The following LY75 variants were observed in gnomAD, a reference collection of about 807,000 sequenced individuals.
The protein encoded by LY75 is C-type lectin domain family 13 member B.
LY75 carries 185 observed loss-of-function variants against 231.7 expected under a neutral mutation model. The ratio of observed to expected loss-of-function variants is 0.80; its 90% CI spans 0.71 to 0.90. LY75 has a LOEUF of 0.90. LY75 is among the 40% of genes least tolerant of loss of function. The pLI is 0.00. For synonymous variants in LY75, 668 were observed against 689.0 expected (o/e 0.97, Z 0.48); for missense variants, 1,947 against 2,050.2 (o/e 0.95, Z 0.97).
At chr2:159,898,639 T>C (rs769924072) in intron 2 of LY75, 49 bp downstream of exon 2, 13 of 1,568,590 alleles carry the variant, frequency 8.3e-6, no homozygotes, top group Middle Eastern at 1.7e-4. Context: ...TAATGCCACA[T>C]GTGACAAGCA....
At chr2:159,827,678 A>T (rs919646227) in intron 28 of LY75, among the ~76,000 whole-genome samples, 1 of 152,246 alleles carries the variant, frequency 6.6e-6, no homozygotes, top group African/African-American at 2.4e-5. Context: ...TTGTGGCACT[A>T]TTCCAATAGC....
intron 31 of LY75, among the ~76,000 whole-genome samples, chr2:159,811,685 G>A (rs577746962): frequency 2.6e-5 from 4 of 152,228 alleles, no homozygotes; most frequent in Non-Finnish European, 5.9e-5. Context: ...GAGGAATGGC[G>A]GCTACTGTGA....
Position 159,803,481 on chromosome 2 carries a change from CACAGG to C in LY75, c.*1558_*1562del, listed in dbSNP as rs1417060012. ...TTAGTGACTAAAATTGTACACAGAT[CACAGG>C]ACAAGAGAACTAGTCTAACAAATTC... On this transcript the variant is annotated 3_prime_UTR_variant, in exon 35 of 35. Transcript: ENST00000263636. The C allele has an allele frequency of 6.6e-6, 1 of 152,136 alleles. No individual in the cohort carries two copies. The highest frequency in any genetic ancestry group is 1.5e-5 in the Non-Finnish European group (1 of 68,026). The allele number at this position is 152,136 out of a possible 1,614,324, so 9.4% of individuals were successfully genotyped here.
At chr2:159,819,976 A>G (rs1437130859) in intron 28 of LY75, 56 bp from the exon 29 acceptor site, 4 of 1,468,962 alleles carry the variant, frequency 2.7e-6, no homozygotes, top group Admixed American at 2.4e-5. Flanking sequence ...CTTGAATTAC[A>G]CTTATACAGT....
In LY75 at chr2:159,807,124, C is replaced by T; in HGVS notation, c.4839G>A (p.Trp1613Ter). 1 of 1,613,014 alleles carries T rather than the reference C, an allele frequency of 6.2e-7. No homozygotes were observed. The highest frequency in any genetic ancestry group is 8.5e-7 in the Non-Finnish European group (1 of 1,179,472). The change falls in exon 34 of 35, where the codon TGG becomes TGA. Residue 1613 changes from tryptophan to a stop codon, truncating the protein, a stop_gained. Coordinates refer to ENST00000263636, the MANE Select transcript of LY75 (RefSeq NM_002349.4). LOFTEE classifies it high-confidence loss of function. The stretch of plus-strand genomic sequence containing the variant: ...CAAATGTCACTTCTGATCCATCTAA[C>T]CAACTCCAAGACTGGTCTGAAGAAA... ...SQHSVDQSWS[W>*]LDGSEVTFVK...
chr2:159,883,130 T>TG (rs1346144600), intron 6 of LY75, among the ~76,000 whole-genome samples: 1 of 39,216 alleles, frequency 2.5e-5, no homozygotes, highest in Non-Finnish European at 4.7e-5. Context: ...TGTTGTGGGG[T>TG]GGGGGGAGGG....
chr2:159,858,009 ATTATCT>A (rs1684595838), intron 16 of LY75, among the ~76,000 whole-genome samples: 1 of 152,166 alleles, frequency 6.6e-6, no homozygotes, highest in South Asian at 2.1e-4. Flanking sequence ...TCTTCCCAAG[ATTATCT>A]TTATTTTTTC....
At chr2:159,867,561 AG>A (rs1307189757) in intron 13 of LY75, among the ~76,000 whole-genome samples, 1 of 152,198 alleles carries the variant, frequency 6.6e-6, no homozygotes, top group East Asian at 1.9e-4. Context: ...ATAGCGTAAA[AG>A]GTTAATATGT....
chr2:159,890,499 C>A, intron 3 of LY75, 122 bp from the exon 4 acceptor site: 2 of 1,334,528 alleles, frequency 1.5e-6, no homozygotes, highest in Non-Finnish European at 1.0e-6. Context: ...AGGGAGACTG[C>A]CATCACTCAT....
At chr2:159,844,340 A>C (rs972743721) in intron 23 of LY75, among the ~76,000 whole-genome samples, 7 of 151,464 alleles carry the variant, frequency 4.6e-5, no homozygotes, top group Non-Finnish European at 1.0e-4. Flanking sequence ...AAAAAAAAAA[A>C]AAACTATATG....
rs191590222 is a variant in LY75, at chr2:159,836,612, T to C, written c.3508-967A>G. Among the ~76,000 whole-genome samples the C allele has an allele frequency of 2.0e-4, 30 of 152,310 alleles. 1 individual carries two copies. The East Asian group carries it at 5.6e-3, about 28-fold the overall frequency. On this transcript the variant is annotated intron_variant, in intron 25 of 34. Coordinates refer to ENST00000263636, the MANE Select transcript of LY75 (RefSeq NM_002349.4). ...CAAGACAATCTGCATCACTAGTTTA[T>C]TTGAAATATGGAACGAAGCGACACA...
rs758257235 is a variant in LY75, at chr2:159,810,660, C to T, written c.4565G>A (p.Arg1522His). The change falls in exon 32 of 35, where the codon CGT becomes CAT. Residue 1522 changes from arginine (R) to histidine (H), a missense_variant. Arg to His is a conservative substitution (Grantham distance 29). Coordinates refer to ENST00000263636, the MANE Select transcript of LY75 (RefSeq NM_002349.4). ...YKPTKSKKLS[R>H]LTYSSRCPAA... ...TGGACATCTTGATGAATATGTAAGA[C>T]GGGACAGCTTTTTAGCTATAAAAAT... is the stretch of plus-strand genomic sequence containing the variant. 15 of 1,611,010 alleles carry T rather than the reference C, an allele frequency of 9.3e-6. No individual in the cohort carries two copies. The highest frequency in any genetic ancestry group is 2.7e-5 in the African/African-American group (2 of 74,656).
chr2:159,871,406 A>G (rs890340288), intron 13 of LY75, among the ~76,000 whole-genome samples: 3 of 152,158 alleles, frequency 2.0e-5, no homozygotes, highest in African/African-American at 7.2e-5. Flanking sequence ...GCTACTCAGC[A>G]CTAACTTTTA....
At chr2:159,857,500 G>C (rs1453431478) in intron 16 of LY75, among the ~76,000 whole-genome samples, 1 of 152,160 alleles carries the variant, frequency 6.6e-6, no homozygotes, top group Non-Finnish European at 1.5e-5. Context: ...CTAGCACTTT[G>C]GGAGGCTGAG....
rs751792468 is a variant in LY75 at position 159,886,543 on chromosome 2, A to G, written c.803-13T>C. 1.3e-6 allele frequency: 2 copies of G among 1,575,162 alleles called. No homozygotes were observed. The highest frequency in any genetic ancestry group is 8.6e-7 in the Non-Finnish European group (1 of 1,165,088). On this transcript the variant is annotated splice_polypyrimidine_tract_variant and intron_variant, in intron 4 of 34. Coordinates refer to ENST00000263636, the MANE Select transcript of LY75 (RefSeq NM_002349.4). ...ATGCCTTCTTTTTCTGTAAGAATTA[A>G]AAAATTTTTAAAAAGTGACAAAGTT... is the stretch of plus-strand genomic sequence containing the variant.
chr2:159,818,207 T>C (rs1299691177), intron 29 of LY75, among the ~76,000 whole-genome samples: 2 of 152,144 alleles, frequency 1.3e-5, no homozygotes, highest in Non-Finnish European at 2.9e-5. Flanking sequence ...GGACTCAACA[T>C]AGTGACTTCC....
Position 159,842,275 on chromosome 2 carries a change from G to A in LY75, c.3250C>T (p.His1084Tyr), listed in dbSNP as rs1353155423. 6.2e-7 allele frequency: 1 copy of A among 1,612,098 alleles called. No homozygotes were observed. ...TATTTCTGACAGAGAGACACAAAGT[G>A]GCGTTCACTGCAGGATGTAAAATTC... ...TWNFTSCSER[H>Y]FVSLCQKYSE... Residue 1084 changes from histidine (H) to tyrosine (Y), a missense_variant, in exon 24 of 35, where the codon CAC becomes TAC. Transcript: ENST00000263636.
chr2:159,807,595 A>G (rs1574515532), intron 33 of LY75: 1 of 984,456 alleles, frequency 1.0e-6, no homozygotes. Flanking sequence ...CTCCCACACC[A>G]CCACCAGGAC....
intron 28 of LY75, among the ~76,000 whole-genome samples, chr2:159,821,689 G>A (rs1339679121): frequency 6.6e-6 from 1 of 151,054 alleles, no homozygotes; most frequent in Non-Finnish European, 1.5e-5. Context: ...GGTAAGCAAA[G>A]CCTTCTTACA....
Sources: gnomAD v4.1 joint callset for allele counts (sites outside exome capture counted in the v4.1 genomes callset) on GRCh38, gnomAD v4.1.1 for gene constraint, MANE v1.5 for transcripts, NCBI Gene and HGNC (gene_info 2026-07-23, HGNC 2026-07-21) for gene names.